Variants in CADM2 observed in about 807,000 individuals in gnomAD.
CADM2 encodes the protein cell adhesion molecule 2.
A neutral mutation model predicts 49.8 loss-of-function variants in CADM2; 12 were observed. The ratio of observed to expected loss-of-function variants is 0.24; its 90% CI spans 0.15 to 0.39. The LOEUF is 0.39. Ranked by LOEUF, CADM2 falls within the 10% of genes least tolerant of loss-of-function variation. CADM2 has a pLI of 1.00. For missense variants in CADM2, 378 were observed against 492.3 expected, an observed-to-expected ratio of 0.77 and a Z score of 2.20; for synonymous variants, 214 against 175.4, an observed-to-expected ratio of 1.22 and a Z score of -1.74.
At chr3:85,368,087 C>T (rs1305413590) in intron 1 of CADM2, among the ~76,000 whole-genome samples, 1 of 151,998 alleles carries the variant, frequency 6.6e-6, no homozygotes, top group Non-Finnish European at 1.5e-5. Context: ...GGCCCCTTAG[C>T]AAAGATATCT....
At position 85,200,433 on chromosome 3, in the gene CADM2, A is replaced by G. The variant is rs529607058; in HGVS notation, c.61+240765A>G. On this transcript the variant is annotated intron_variant, in intron 1 of 9. Coordinates refer to ENST00000383699, the MANE Select transcript of CADM2 (RefSeq NM_001167675.2). ...GGAGTTCTCAGTTTGGTGGCGAGAT[A>G]AAGTTGATTCAGTGAAAAAAGTTTA... Among the ~76,000 whole-genome samples, 12 of 152,218 alleles carry G rather than the reference A, an allele frequency of 7.9e-5. No homozygotes were observed. In the South Asian group the frequency reaches 8.3e-4, roughly 11 times the overall value.
At position 85,172,907 on chromosome 3, in the gene CADM2, T is replaced by C. The variant is rs529816432; in HGVS notation, c.61+213239T>C. Among the ~76,000 whole-genome samples the C allele has an allele frequency of 1.9e-3, 269 of 145,150 alleles. 1 individual carries two copies. The highest frequency in any genetic ancestry group is 5.5e-3 in the African/African-American group (212 of 38,840). On this transcript the variant is annotated intron_variant, in intron 1 of 9. Coordinates refer to ENST00000383699, the MANE Select transcript of CADM2 (RefSeq NM_001167675.2). The stretch of plus-strand genomic sequence containing the variant: ...ATAATATATGCAATTATATATTATA[T>C]ATAATATATGTAATAATATATAATA...
At chr3:85,738,935 T>A (rs974292159) in intron 2 of CADM2, among the ~76,000 whole-genome samples, 1 of 152,166 alleles carries the variant, frequency 6.6e-6, no homozygotes, top group Admixed American at 6.5e-5. Context: ...CAAAAGTAGT[T>A]GTAATATACA....
chr3:85,977,651 T>C (rs1726959847), intron 8 of CADM2, among the ~76,000 whole-genome samples: 1 of 151,650 alleles, frequency 6.6e-6, no homozygotes, highest in Admixed American at 6.6e-5. Context: ...AAGAAGTATC[T>C]TTGTCCATAT....
At chr3:85,526,966 A>G (rs1469331484) in intron 1 of CADM2, among the ~76,000 whole-genome samples, 1 of 152,186 alleles carries the variant, frequency 6.6e-6, no homozygotes, top group Non-Finnish European at 1.5e-5. Context: ...CTCTTTCTGC[A>G]GGGATTAAGC....
At chr3:85,938,135 T>A (rs1445907161) in intron 7 of CADM2, among the ~76,000 whole-genome samples, 1 of 152,086 alleles carries the variant, frequency 6.6e-6, no homozygotes, top group African/African-American at 2.4e-5. Context: ...CTTCTCTATA[T>A]TTTTACAGTA....
chr3:85,990,350 T>C (rs1182775095), intron 8 of CADM2, among the ~76,000 whole-genome samples: 1 of 152,178 alleles, frequency 6.6e-6, no homozygotes, highest in African/African-American at 2.4e-5. Flanking sequence ...TCTGAAAATG[T>C]TTCAGGTAGG....
chr3:85,493,807 C>T (rs777985650), intron 1 of CADM2, among the ~76,000 whole-genome samples: 9 of 152,082 alleles, frequency 5.9e-5, no homozygotes, highest in African/African-American at 9.7e-5. Context: ...TTTGTACTTC[C>T]GGCAAGATTG....
intron 1 of CADM2, among the ~76,000 whole-genome samples, chr3:85,639,272 C>A (rs67414003): frequency 0.21 from 31,441 of 152,008 alleles, 3,718 homozygotes; most frequent in East Asian, 0.53. Flanking sequence ...GTCTTTGAAG[C>A]ATTCAGAAGT....
intron 1 of CADM2, among the ~76,000 whole-genome samples, chr3:85,079,819 C>T (rs1459802155): frequency 1.3e-5 from 2 of 151,766 alleles, no homozygotes; most frequent in African/African-American, 4.8e-5. Flanking sequence ...ACTTACTTTT[C>T]CAGATAATAC....
chr3:84,986,817 T>C (rs1293575295), intron 1 of CADM2, among the ~76,000 whole-genome samples: 1 of 151,398 alleles, frequency 6.6e-6, no homozygotes, highest in Non-Finnish European at 1.5e-5. Context: ...TTTGGGAGCT[T>C]GAGGCGGGTG....
At chr3:85,915,364 A>G (rs1415344821) in intron 6 of CADM2, among the ~76,000 whole-genome samples, 1 of 152,126 alleles carries the variant, frequency 6.6e-6, no homozygotes, top group East Asian at 1.9e-4. Flanking sequence ...ATCTATTTAA[A>G]TTATTTTCCT....
intron 1 of CADM2, among the ~76,000 whole-genome samples, chr3:85,381,425 A>T (rs980811695): frequency 1.4e-5 from 2 of 146,836 alleles, no homozygotes; most frequent in African/African-American, 2.5e-5. Flanking sequence ...ATGTTGCTTT[A>T]TATATATATA....
intron 7 of CADM2, among the ~76,000 whole-genome samples, chr3:85,957,190 T>C (rs555164773): frequency 1.3e-4 from 20 of 151,792 alleles, no homozygotes; most frequent in African/African-American, 4.8e-4. Context: ...AATTGGTAAA[T>C]TCAAATAGCA....
intron 6 of CADM2, among the ~76,000 whole-genome samples, chr3:85,913,034 ACAAT>A (rs1181749526): frequency 1.3e-5 from 2 of 152,168 alleles, no homozygotes; most frequent in Non-Finnish European, 2.9e-5. Context: ...ATCATTATTC[ACAAT>A]CAATAAGAAC....
At chr3:86,039,283 G>A (rs181304552) in intron 8 of CADM2, among the ~76,000 whole-genome samples, 3 of 152,212 alleles carry the variant, frequency 2.0e-5, no homozygotes, top group South Asian at 2.1e-4. Flanking sequence ...GCCTCACCTG[G>A]GAAGTGAAAG....
intron 1 of CADM2, among the ~76,000 whole-genome samples, chr3:85,520,339 A>G (rs921575862): frequency 4.6e-5 from 7 of 151,866 alleles, no homozygotes; most frequent in Non-Finnish European, 1.0e-4. Context: ...AAGAAACACA[A>G]ATGTAAAGAA....
At chr3:85,041,801 T>C (rs1280690490) in intron 1 of CADM2, among the ~76,000 whole-genome samples, 1 of 152,198 alleles carries the variant, frequency 6.6e-6, no homozygotes, top group East Asian at 1.9e-4. Flanking sequence ...ACTTTCATTG[T>C]GCCGTGGCAG....
At chr3:85,069,766 C>G (rs997290273) in intron 1 of CADM2, among the ~76,000 whole-genome samples, 12 of 151,946 alleles carry the variant, frequency 7.9e-5, no homozygotes, top group Non-Finnish European at 5.9e-5. Context: ...GAATGTGTGA[C>G]CTACGTACCA....
Sources: allele counts gnomAD v4.1 joint callset (sites outside exome capture counted in the v4.1 genomes callset), GRCh38; gene constraint gnomAD v4.1.1; transcripts MANE v1.5; gene names NCBI Gene and HGNC (gene_info 2026-07-23, HGNC 2026-07-21).